CNTNAP2: variants seen among roughly 807,000 people sequenced by gnomAD.
CNTNAP2 encodes the protein contactin-associated protein-like 2.
A neutral mutation model predicts 155.2 loss-of-function variants in CNTNAP2; 98 were observed. The ratio of observed to expected loss-of-function variants is 0.63; its 90% CI spans 0.54 to 0.75. The LOEUF (loss-of-function observed/expected upper bound fraction) is 0.75, where lower values mean the gene tolerates loss of function less well. Ranked by LOEUF, CNTNAP2 falls within the 30% of genes least tolerant of loss-of-function variation. CNTNAP2 has a pLI of 0.00. For missense variants in CNTNAP2, 1,727 were observed against 1,688.1 expected, an observed-to-expected ratio of 1.02 and a Z score of -0.40; for synonymous variants, 651 against 631.2, an observed-to-expected ratio of 1.03 and a Z score of -0.47.
intron 3 of CNTNAP2, among the ~76,000 whole-genome samples, chr7:146,889,808 A>G (rs1290468909): frequency 1.3e-5 from 2 of 152,066 alleles, no homozygotes; most frequent in Non-Finnish European, 2.9e-5. Flanking sequence ...TCTTGATCAT[A>G]CTTTCTTCAT....
chr7:148,217,983 G>T (rs1490877789), intron 19 of CNTNAP2, among the ~76,000 whole-genome samples: 5 of 152,172 alleles, frequency 3.3e-5, no homozygotes, highest in Non-Finnish European at 5.9e-5. Context: ...AAATTAGCTG[G>T]GTGTGATGGC....
intron 2 of CNTNAP2, among the ~76,000 whole-genome samples, chr7:146,799,925 T>C (rs978914169): frequency 1.3e-5 from 2 of 152,106 alleles, no homozygotes; most frequent in Non-Finnish European, 2.9e-5. Context: ...TCATAATTGC[T>C]ATGAAAGATT....
At chr7:148,062,028 AGTGT>A (rs199528714) in intron 15 of CNTNAP2, among the ~76,000 whole-genome samples, 7,342 of 105,692 alleles carry the variant, frequency 0.069, 432 homozygotes, top group African/African-American at 0.1. Flanking sequence ...AGAGAGAGAG[AGTGT>A]GTGTGTGTGT....
intron 14 of CNTNAP2, among the ~76,000 whole-genome samples, chr7:147,908,213 G>A (rs1800001715): frequency 6.6e-6 from 1 of 152,188 alleles, no homozygotes; most frequent in South Asian, 2.1e-4. Flanking sequence ...CAGATGTTAT[G>A]AAACAGGCTT....
rs199579282 is a variant in CNTNAP2 at position 147,108,120 on chromosome 7, A to G, written c.551-27A>G. The stretch of plus-strand genomic sequence containing the variant: ...GGATGGTAACATACATGGCTGAACT[A>G]ATATGTTATTTTTTTTTTTGTTTTA... On this transcript the variant is annotated intron_variant, in intron 4 of 23. Coordinates refer to ENST00000361727, the MANE Select transcript of CNTNAP2 (RefSeq NM_014141.6). 6 of 1,570,412 alleles carry G rather than the reference A, an allele frequency of 3.8e-6. No homozygotes were observed. In the African/African-American group the frequency reaches 7.3e-5, roughly 19 times the overall value.
intron 2 of CNTNAP2, among the ~76,000 whole-genome samples, chr7:146,796,999 G>C (rs191622107): frequency 6.6e-6 from 1 of 152,118 alleles, no homozygotes; most frequent in South Asian, 2.1e-4. Context: ...AGCCAGGCAT[G>C]GTGGCGGGCG....
In CNTNAP2 at chr7:147,578,671, G is replaced by T. The variant is rs561065066; in HGVS notation, c.1897+16414G>T. Among the ~76,000 whole-genome samples, 76 of 152,020 alleles carry T rather than the reference G, an allele frequency of 5.0e-4. 1 individual carries two copies. Among genetic ancestry groups the T allele is most frequent in the African/African-American group, 1.7e-3 (71 of 41,490 alleles). On this transcript the variant is annotated intron_variant, in intron 12 of 23. Transcript: ENST00000361727. ...GATATATTAATTTTCTACCATAGTGGAAAATTATTTAGTATACAGTATAAA... is the reference window on the plus strand; with the variant it reads ...GATATATTAATTTTCTACCATAGTGTAAAATTATTTAGTATACAGTATAAA...
chr7:148,062,284 A>G (rs1365716433), intron 15 of CNTNAP2, among the ~76,000 whole-genome samples: 1 of 152,042 alleles, frequency 6.6e-6, no homozygotes, highest in Non-Finnish European at 1.5e-5. Context: ...GACTTCAAAA[A>G]CCTTTTTAGA....
intron 1 of CNTNAP2, among the ~76,000 whole-genome samples, chr7:146,549,895 G>A (rs1160417179): frequency 6.6e-6 from 1 of 152,072 alleles, no homozygotes; most frequent in Non-Finnish European, 1.5e-5. Flanking sequence ...CACACCTGCA[G>A]TAGAATCAAC....
intron 13 of CNTNAP2, among the ~76,000 whole-genome samples, chr7:147,762,483 C>T (rs1299917993): frequency 1.3e-5 from 2 of 151,776 alleles, no homozygotes. Context: ...CAATTAGATG[C>T]ACTCATATCT....
intron 1 of CNTNAP2, among the ~76,000 whole-genome samples, chr7:146,422,983 A>G (rs1414547035): frequency 6.6e-6 from 1 of 152,168 alleles, no homozygotes; most frequent in African/African-American, 2.4e-5. Flanking sequence ...ATTTTCTGTG[A>G]AGAAAATACT....
At chr7:146,485,261 A>G (rs1471103172) in intron 1 of CNTNAP2, among the ~76,000 whole-genome samples, 1 of 152,150 alleles carries the variant, frequency 6.6e-6, no homozygotes, top group Non-Finnish European at 1.5e-5. Flanking sequence ...GCCTTTATTA[A>G]CCACTTATTT....
At chr7:146,588,260 A>G (rs532833951) in intron 1 of CNTNAP2, among the ~76,000 whole-genome samples, 1 of 152,144 alleles carries the variant, frequency 6.6e-6, no homozygotes, top group South Asian at 2.1e-4. Context: ...CAAAGCCCAC[A>G]TATATCTTAA....
At chr7:147,922,585 A>G (rs1346861021) in intron 14 of CNTNAP2, among the ~76,000 whole-genome samples, 1 of 152,186 alleles carries the variant, frequency 6.6e-6, no homozygotes, top group Non-Finnish European at 1.5e-5. Flanking sequence ...CACATTCTAC[A>G]CTAGGTCCAT....
intron 15 of CNTNAP2, among the ~76,000 whole-genome samples, chr7:148,062,028 AGT>A (rs199528714): frequency 0.094 from 9,976 of 105,648 alleles, 531 homozygotes; most frequent in Non-Finnish European, 0.1. Context: ...AGAGAGAGAG[AGT>A]GTGTGTGTGT....
chr7:146,438,475 A>G (rs1796275034), intron 1 of CNTNAP2, among the ~76,000 whole-genome samples: 1 of 151,378 alleles, frequency 6.6e-6, no homozygotes, highest in Non-Finnish European at 1.5e-5. Context: ...TTGCCCAAAT[A>G]TTACCTTCAG....
At chr7:147,801,852 C>CCG (rs1487003625) in intron 13 of CNTNAP2, among the ~76,000 whole-genome samples, 1 of 151,080 alleles carries the variant, frequency 6.6e-6, no homozygotes, top group Non-Finnish European at 1.5e-5. Flanking sequence ...ACCTCCCAGA[C>CCG]GGGGGGGGCG....
intron 1 of CNTNAP2, among the ~76,000 whole-genome samples, chr7:146,442,748 G>C (rs1007228703): frequency 5.3e-5 from 8 of 152,092 alleles, no homozygotes; most frequent in Non-Finnish European, 8.8e-5. Context: ...CCTGTTCCGT[G>C]GATTTAGCCT....
rs140081135 is a variant in CNTNAP2 at position 146,427,457 on chromosome 7, T to C, written c.97+310484T>C. ...AAAATTTGAATTTCACTTAATTCTT[T>C]CATGTGACAAAACTTTATTCTTCTT... On this transcript the variant is annotated intron_variant, in intron 1 of 23. Coordinates refer to ENST00000361727, the MANE Select transcript of CNTNAP2 (RefSeq NM_014141.6). Among the ~76,000 whole-genome samples, 479 of 152,344 alleles carry C rather than the reference T, an allele frequency of 3.1e-3. 5 individuals carry two copies. Among genetic ancestry groups the C allele is most frequent in the African/African-American group, 0.011 (461 of 41,580 alleles).
Sources: gnomAD v4.1 joint callset for allele counts (sites outside exome capture counted in the v4.1 genomes callset) on GRCh38, gnomAD v4.1.1 for gene constraint, MANE v1.5 for transcripts, NCBI Gene and HGNC (gene_info 2026-07-23, HGNC 2026-07-21) for gene names.